Variants in TMEM163 observed in about 807,000 individuals in gnomAD.
TMEM163 encodes transmembrane protein 163.
Under a neutral mutation model 29.3 loss-of-function variants are expected in TMEM163, and 17 were observed. The ratio of observed to expected loss-of-function variants is 0.58; its 90% CI spans 0.40 to 0.87. TMEM163 has a LOEUF of 0.87. TMEM163 is among the 40% of genes least tolerant of loss of function. The probability of loss-of-function intolerance (pLI) is 0.00; values close to 1 mark genes in which losing one functional copy is unlikely to be tolerated. For synonymous variants in TMEM163, 157 were observed against 160.6 expected (o/e 0.98, Z 0.17); for missense variants, 303 against 381.5 (o/e 0.79, Z 1.71).
chr2:134,465,245 C>T (rs1419825790), intron 6 of TMEM163, among the ~76,000 whole-genome samples: 1 of 148,356 alleles, frequency 6.7e-6, no homozygotes, highest in Non-Finnish European at 1.5e-5. Flanking sequence ...CACACACATA[C>T]ACACACACGT....
intron 5 of TMEM163, chr2:134,466,643 C>G (rs1478881637): frequency 6.0e-6 from 1 of 165,490 alleles, no homozygotes; most frequent in Non-Finnish European, 1.3e-5. Flanking sequence ...GCCTAACAAT[C>G]CTTCAACAGA....
intron 2 of TMEM163, among the ~76,000 whole-genome samples, chr2:134,595,447 A>C (rs1234802041): frequency 6.6e-6 from 1 of 152,138 alleles, no homozygotes; most frequent in Non-Finnish European, 1.5e-5. Flanking sequence ...ACATGAACTC[A>C]TCATTTTGTA....
At chr2:134,493,683 T>C (rs1679482464) in intron 5 of TMEM163, among the ~76,000 whole-genome samples, 1 of 152,134 alleles carries the variant, frequency 6.6e-6, no homozygotes, top group East Asian at 1.9e-4. Context: ...TTTGGTGCCA[T>C]GTCTAAGAAA....
At position 134,676,213 on chromosome 2, in the gene TMEM163, T is replaced by A. The variant is rs114479272; in HGVS notation, c.322+36987A>T. 4.9e-3 allele frequency among the ~76,000 whole-genome samples: 747 copies of A among 152,294 alleles called. 9 individuals carry two copies. Among genetic ancestry groups the A allele is most frequent in the African/African-American group, 0.017 (714 of 41,552 alleles). On this transcript the variant is annotated intron_variant, in intron 2 of 7. Transcript: ENST00000281924. ...CCAATTTCAAGCTACCAACTTGACG[T>A]CAATTAGCTTGCAAAATACTGAAAA...
chr2:134,692,407 C>T (rs1684489069), intron 2 of TMEM163, among the ~76,000 whole-genome samples: 1 of 152,216 alleles, frequency 6.6e-6, no homozygotes, highest in African/African-American at 2.4e-5. Flanking sequence ...TATCATCTTC[C>T]TACCCCAAGA....
intron 4 of TMEM163, among the ~76,000 whole-genome samples, chr2:134,547,305 C>A (rs1680814472): frequency 6.6e-6 from 1 of 152,196 alleles, no homozygotes; most frequent in African/African-American, 2.4e-5. Flanking sequence ...CTCTCTTTCC[C>A]TGAGTATGAA....
chr2:134,565,379 G>A (rs976665109), intron 2 of TMEM163, among the ~76,000 whole-genome samples: 1 of 152,112 alleles, frequency 6.6e-6, no homozygotes, highest in South Asian at 2.1e-4. Context: ...GCCGAGGCAG[G>A]TGGATCACCT....
Position 134,493,362 on chromosome 2 carries a change from C to CTTTTTT in TMEM163, c.555+9533_555+9538dup, listed in dbSNP as rs1159013721. Reference sequence around the variant, plus strand: ...GACTTATGGTTCAAGCTTTTGGTGTCTTTTTTTTTTTTTTTTTTTTTTTTT... The same window carrying CTTTTTT: ...GACTTATGGTTCAAGCTTTTGGTGTCTTTTTTTTTTTTTTTTTTTTTTTTTTTTTTT... On this transcript the variant is annotated intron_variant, in intron 5 of 7. Transcript: ENST00000281924. 7.3e-3 allele frequency among the ~76,000 whole-genome samples: 362 copies of CTTTTTT among 49,850 alleles called. 84 individuals are homozygous for CTTTTTT. Among genetic ancestry groups the CTTTTTT allele is most frequent in the African/African-American group, 0.018 (198 of 11,236 alleles). The allele number at this position is 49,850 out of a possible 152,430, so 32.7% of individuals were successfully genotyped here. A position where few individuals can be genotyped will look rare whatever the true frequency, so the allele number is the denominator to read the frequency against.
At chr2:134,578,523 T>C (rs1297585530) in intron 2 of TMEM163, among the ~76,000 whole-genome samples, 4 of 152,210 alleles carry the variant, frequency 2.6e-5, no homozygotes, top group African/African-American at 9.6e-5. Context: ...GTATGTGTAA[T>C]GTTGCATGCA....
At chr2:134,529,803 T>C (rs1197109555) in intron 4 of TMEM163, among the ~76,000 whole-genome samples, 2 of 151,978 alleles carry the variant, frequency 1.3e-5, no homozygotes, top group Admixed American at 1.3e-4. Flanking sequence ...AATGAGTACA[T>C]ACTAATTTTA....
intron 2 of TMEM163, among the ~76,000 whole-genome samples, chr2:134,693,909 T>G (rs1180520515): frequency 2.6e-5 from 4 of 152,106 alleles, no homozygotes; most frequent in African/African-American, 9.7e-5. Context: ...AACAACACAA[T>G]AAGCTCGCAC....
chr2:134,587,424 A>G (rs842356), intron 2 of TMEM163, among the ~76,000 whole-genome samples: 24,092 of 152,094 alleles, frequency 0.16, 2,233 homozygotes, highest in Middle Eastern at 0.39. Flanking sequence ...AAACAAAGAA[A>G]AAAACAAAGT....
chr2:134,674,691 A>C (rs1290900211), intron 2 of TMEM163, among the ~76,000 whole-genome samples: 1 of 152,022 alleles, frequency 6.6e-6, no homozygotes, highest in African/African-American at 2.4e-5. Flanking sequence ...AACCTGACAA[A>C]TAGAGCCAAA....
At chr2:134,547,169 G>A (rs1238340186) in intron 4 of TMEM163, among the ~76,000 whole-genome samples, 1 of 152,014 alleles carries the variant, frequency 6.6e-6, no homozygotes, top group Non-Finnish European at 1.5e-5. Context: ...AAACACTTAG[G>A]CTAATGCATT....
At chr2:134,559,064 A>G (rs1404783429) in intron 2 of TMEM163, among the ~76,000 whole-genome samples, 1 of 152,158 alleles carries the variant, frequency 6.6e-6, no homozygotes, top group African/African-American at 2.4e-5. Flanking sequence ...AAAACATAAT[A>G]ATGAAAACAC....
At chr2:134,542,599 A>G (rs1039081290) in intron 4 of TMEM163, among the ~76,000 whole-genome samples, 2 of 152,134 alleles carry the variant, frequency 1.3e-5, no homozygotes, top group Admixed American at 1.3e-4. Context: ...ACAAACCCTA[A>G]AAGTGTACAA....
chr2:134,506,791 G>A (rs1254459664), intron 4 of TMEM163, among the ~76,000 whole-genome samples: 3 of 152,232 alleles, frequency 2.0e-5, no homozygotes, highest in African/African-American at 7.2e-5. Context: ...CTGCAAGTAT[G>A]AGCTGCTTCC....
At chr2:134,697,415 T>A (rs1468886117) in intron 2 of TMEM163, among the ~76,000 whole-genome samples, 1 of 152,116 alleles carries the variant, frequency 6.6e-6, no homozygotes, top group Non-Finnish European at 1.5e-5. Flanking sequence ...TTGTCTTGAA[T>A]TTTACCAAAT....
At chr2:134,496,653 G>C (rs1401767763) in intron 5 of TMEM163, among the ~76,000 whole-genome samples, 1 of 152,208 alleles carries the variant, frequency 6.6e-6, no homozygotes, top group Non-Finnish European at 1.5e-5. Flanking sequence ...GAGGGAAGCT[G>C]CTTGGTTCTA....
Sources: gnomAD v4.1 joint callset for allele counts (sites outside exome capture counted in the v4.1 genomes callset) on GRCh38, gnomAD v4.1.1 for gene constraint, MANE v1.5 for transcripts, NCBI Gene and HGNC (gene_info 2026-07-23, HGNC 2026-07-21) for gene names.